CNTRL: variants seen among roughly 807,000 people sequenced by gnomAD.
The protein encoded by CNTRL is centriolin, also known as 110 kDa centrosomal protein.
Under a neutral mutation model 303.7 loss-of-function variants are expected in CNTRL, and 233 were observed. The observed-to-expected ratio is 0.77, with a 90% CI of 0.69 to 0.86. CNTRL has a LOEUF of 0.86. Among genes scored for constraint, CNTRL ranks in the 40% least tolerant of loss-of-function variants. The pLI is 0.00. For missense variants in CNTRL, 2,524 were observed against 2,650.6 expected, an observed-to-expected ratio of 0.95 and a Z score of 1.05; for synonymous variants, 900 against 922.2, an observed-to-expected ratio of 0.98 and a Z score of 0.44.
chr9:121,167,608 A>G lies in CNTRL; in HGVS notation c.5775A>G (p.Lys1925=), dbSNP rs2053146644. Residue 1925 remains lysine (K), a synonymous_variant, in exon 37 of 44, where the codon AAA becomes AAG. Transcript: ENST00000373855. ...ACTGTCAGAAAGAAGAGGAGACAAAACAACAACAACTTCAAGTGCTTCAGA... is the reference window on the plus strand; with the variant it reads ...ACTGTCAGAAAGAAGAGGAGACAAAGCAACAACAACTTCAAGTGCTTCAGA... ...FEDCQKEEET[K]QQQLQVLQNE... is the part of the protein sequence containing the mutation. 6.2e-7 allele frequency: 1 copy of G among 1,614,120 alleles called. No homozygotes were observed. Among genetic ancestry groups the G allele is most frequent in the East Asian group, 2.2e-5 (1 of 44,876 alleles).
chr9:121,133,296 C>T lies in CNTRL; in HGVS notation c.2026-2510C>T, dbSNP rs534149642. On this transcript the variant is annotated intron_variant, in intron 14 of 43. Transcript: ENST00000373855. The stretch of plus-strand genomic sequence containing the variant: ...GGTCTTGCTGAGCTGCGGTGGGCTC[C>T]GCCCAGTTCGAGCTTCCTGGCTGCT... 9.3e-4 allele frequency among the ~76,000 whole-genome samples: 141 copies of T among 152,364 alleles called. 1 individual carries two copies. Among genetic ancestry groups the T allele is most frequent in the Non-Finnish European group, 1.7e-3 (115 of 68,036 alleles).
Position 121,096,453 on chromosome 9 carries a change from C to T in CNTRL, c.511C>T (p.Leu171=). The part of the protein sequence containing the change: ...KIEGIENMCN[L]QKLNLAGNEI... ...TGAAGGCATAGAAAATATGTGTAAT[C>T]TGCAAAAGCTTAACCTTGCAGGAAA... The change falls in exon 6 of 44, where the codon CTG becomes TTG. Residue 171 remains leucine (L), a synonymous_variant. Transcript: ENST00000373855. The T allele has an allele frequency of 1.3e-6, 2 of 1,561,790 alleles. No homozygotes were observed. The highest frequency in any genetic ancestry group is 1.7e-6 in the Non-Finnish European group (2 of 1,151,574).
intron 22 of CNTRL, 59 bp from the exon 23 acceptor site, chr9:121,146,049 T>G: frequency 6.9e-7 from 1 of 1,443,062 alleles, no homozygotes; most frequent in East Asian, 2.3e-5. Context: ...CTCTTTTATA[T>G]TTTGAGAAAG....
rs1476834530 is a variant in CNTRL, at chr9:121,107,795, T to A, written c.809-7T>A. ...TGATAAATAAACTATTAAATTTTCA[T>A]TGGCAGAAGAGGTAGAAAGACTGGA... On this transcript the variant is annotated splice_polypyrimidine_tract_variant and splice_region_variant and intron_variant, in intron 7 of 43. Transcript: ENST00000373855. 6.7e-7 allele frequency: 1 copy of A among 1,502,902 alleles called. No individual in the cohort carries two copies. Among genetic ancestry groups the A allele is most frequent in the Non-Finnish European group, 8.9e-7 (1 of 1,124,756 alleles). The allele number at this position is 1,502,902 out of a possible 1,614,324, so 93.1% of individuals were successfully genotyped here. A position where few individuals can be genotyped will look rare whatever the true frequency, so the allele number is the denominator to read the frequency against.
At chr9:121,170,462 A>G (rs2131884016) in intron 39 of CNTRL, among the ~76,000 whole-genome samples, 1 of 149,854 alleles carries the variant, frequency 6.7e-6, no homozygotes, top group East Asian at 2.0e-4. Flanking sequence ...GTTTATTTTT[A>G]TTTTTATTTT....
chr9:121,127,025 G>A (rs1026748116), intron 14 of CNTRL, among the ~76,000 whole-genome samples: 1 of 152,046 alleles, frequency 6.6e-6, no homozygotes, highest in East Asian at 1.9e-4. Context: ...TCTCCATGTT[G>A]GTCAGGCTGG....
chr9:121,155,240 A>G (rs1456709668), intron 27 of CNTRL, among the ~76,000 whole-genome samples: 1 of 152,238 alleles, frequency 6.6e-6, no homozygotes, highest in African/African-American at 2.4e-5. Context: ...TGTATCTTTT[A>G]TATTTAATTA....
At chr9:121,105,588 A>G (rs775131921) in intron 7 of CNTRL, among the ~76,000 whole-genome samples, 13 of 152,204 alleles carry the variant, frequency 8.5e-5, no homozygotes, top group Non-Finnish European at 1.8e-4. Context: ...AGTGGTTGGG[A>G]GACGAAAGAA....
At chr9:121,165,373 G>A (rs1483108541) in intron 35 of CNTRL, among the ~76,000 whole-genome samples, 1 of 151,762 alleles carries the variant, frequency 6.6e-6, no homozygotes, top group East Asian at 1.9e-4. Flanking sequence ...ACAGCAAAAA[G>A]AAATAAAAAT....
intron 4 of CNTRL, among the ~76,000 whole-genome samples, chr9:121,092,408 C>T (rs2048617001): frequency 8.0e-6 from 1 of 125,424 alleles, no homozygotes; most frequent in Admixed American, 1.0e-4. Context: ...AAGGCATCAG[C>T]CTAGATGACA....
intron 17 of CNTRL, 92 bp from the exon 18 acceptor site, chr9:121,141,288 CT>C (rs917052916): frequency 3.2e-5 from 32 of 1,012,824 alleles, no homozygotes; most frequent in Non-Finnish European, 4.6e-5. Flanking sequence ...CTGCACACAG[CT>C]TTTTACTCTG....
In CNTRL at chr9:121,092,619, T is replaced by A. The variant is rs180871793; in HGVS notation, c.348+2214T>A. On this transcript the variant is annotated intron_variant, in intron 4 of 43. Coordinates refer to ENST00000373855, the MANE Select transcript of CNTRL (RefSeq NM_007018.6). ...ATATATAATATATATCTATATATAT[T>A]ATATATATCTATATATATAATATAT... 2.4e-3 allele frequency among the ~76,000 whole-genome samples: 18 copies of A among 7,538 alleles called. 1 individual carries two copies. The highest frequency in any genetic ancestry group is 2.7e-3 in the African/African-American group (7 of 2,554). 4.9% of individuals were successfully genotyped at this position (7,538 alleles called of 152,430 possible). A position where few individuals can be genotyped will look rare whatever the true frequency, so the allele number is the denominator to read the frequency against.
chr9:121,087,182 G>A (rs1255859336), intron 2 of CNTRL, among the ~76,000 whole-genome samples: 1 of 152,166 alleles, frequency 6.6e-6, no homozygotes, highest in Non-Finnish European at 1.5e-5. Context: ...ATGGGACAAG[G>A]GAAGAGGGAG....
intron 13 of CNTRL, among the ~76,000 whole-genome samples, chr9:121,125,170 CTT>C (rs759688532): frequency 7.7e-5 from 11 of 142,626 alleles, no homozygotes; most frequent in Admixed American, 1.4e-4. Context: ...GTAAATTAAA[CTT>C]TTTTTTTTTT....
chr9:121,168,835 T>C (rs2053193930), intron 38 of CNTRL, among the ~76,000 whole-genome samples: 2 of 152,350 alleles, frequency 1.3e-5, no homozygotes, highest in East Asian at 1.9e-4. Context: ...TTTTTCTCTT[T>C]CTTAGGCTCC....
At position 121,144,950 on chromosome 9, in the gene CNTRL, G is replaced by A; in HGVS notation, c.3159G>A (p.Lys1053=). 6.2e-7 allele frequency: 1 copy of A among 1,612,936 alleles called. No homozygotes were observed. Among genetic ancestry groups the A allele is most frequent in the Admixed American group, 1.7e-5 (1 of 60,022 alleles). ...TCCTGCAGAATCTCCTCAGGCAGAA[G>A]GGGGAGCAGGTCAGTGTTGGTACCC... ...IELLQNLLRQ[K]GEQFRLEMEK... The change falls in exon 21 of 44, where the codon AAG becomes AAA. Residue 1053 remains lysine (K), a synonymous_variant. Coordinates refer to ENST00000373855, the MANE Select transcript of CNTRL (RefSeq NM_007018.6).
intron 26 of CNTRL, 125 bp from the exon 27 acceptor site, chr9:121,154,596 A>T: frequency 1.7e-6 from 1 of 598,156 alleles, no homozygotes; most frequent in Non-Finnish European, 2.9e-6. Flanking sequence ...CAAATGTAGC[A>T]GTCTTTCTTA....
Position 121,118,468 on chromosome 9 carries a change from T to C in CNTRL, c.1578T>C (p.Ile526=). The part of the protein sequence containing the change: ...ELQMEKQKQE[I]AGKQKEIKDL... ...AGATGGAAAAGCAAAAGCAGGAAATTGCCGGAAAGCAGAAGGAGATTAAGG... is the reference window on the plus strand; with the variant it reads ...AGATGGAAAAGCAAAAGCAGGAAATCGCCGGAAAGCAGAAGGAGATTAAGG... The change falls in exon 12 of 44, where the codon ATT becomes ATC. Residue 526 remains isoleucine (I), a synonymous_variant. Transcript: ENST00000373855. 1 of 1,612,964 alleles carries C rather than the reference T, an allele frequency of 6.2e-7. No homozygotes were observed. The highest frequency in any genetic ancestry group is 1.1e-5 in the South Asian group (1 of 90,932).
intron 12 of CNTRL, among the ~76,000 whole-genome samples, chr9:121,119,306 TCTCTCTC>T (rs1380056240): frequency 4.3e-4 from 63 of 148,102 alleles, no homozygotes; most frequent in Admixed American, 3.9e-3. Flanking sequence ...TTTCTCTCTC[TCTCTCTC>T]TTTTTTTTTT....
Sources: gnomAD v4.1 joint callset for allele counts (sites outside exome capture counted in the v4.1 genomes callset) on GRCh38, gnomAD v4.1.1 for gene constraint, MANE v1.5 for transcripts, NCBI Gene and HGNC (gene_info 2026-07-23, HGNC 2026-07-21) for gene names.